GALNT17: variants seen among roughly 807,000 people sequenced by gnomAD.
GALNT17 encodes the protein UDP-GalNAc:polypeptide N-acetylgalactosaminyltransferase-like 3.
Under a neutral mutation model 63.7 loss-of-function variants are expected in GALNT17, and 29 were observed. The observed-to-expected ratio is 0.46, with a 90% confidence interval of 0.34 to 0.62. The LOEUF (loss-of-function observed/expected upper bound fraction) is 0.62, where lower values mean the gene tolerates loss of function less well. GALNT17 is among the 20% of genes least tolerant of loss of function. The pLI, the probability that GALNT17 is intolerant of heterozygous loss-of-function variation, is 0.01. For missense variants in GALNT17, 603 were observed against 799.6 expected (o/e 0.75, Z 2.97); for synonymous variants, 305 against 318.3 (o/e 0.96, Z 0.45).
At chr7:71,563,353 C>T (rs1444664999) in intron 5 of GALNT17, among the ~76,000 whole-genome samples, 2 of 152,146 alleles carry the variant, frequency 1.3e-5, no homozygotes, top group Non-Finnish European at 2.9e-5. Context: ...GAAGCAGCAG[C>T]CGTGCTTTGC....
chr7:71,590,253 G>A (rs1003346277), intron 6 of GALNT17, among the ~76,000 whole-genome samples: 1 of 152,066 alleles, frequency 6.6e-6, no homozygotes, highest in Non-Finnish European at 1.5e-5. Context: ...GATTTGCTCT[G>A]CTGAAATGTA....
intron 1 of GALNT17, among the ~76,000 whole-genome samples, chr7:71,199,564 A>ATCCATCCG (rs1789124368): frequency 7.6e-6 from 1 of 132,028 alleles, no homozygotes; most frequent in African/African-American, 3.0e-5. Flanking sequence ...CCATCCATCC[A>ATCCATCCG]TCCTGCCTAC....
intron 1 of GALNT17, among the ~76,000 whole-genome samples, chr7:71,156,428 C>CA (rs1291049035): frequency 1.3e-5 from 2 of 151,842 alleles, no homozygotes; most frequent in South Asian, 2.1e-4. Flanking sequence ...TTTTTCTTTT[C>CA]AAAAGCTGAA....
intron 5 of GALNT17, among the ~76,000 whole-genome samples, chr7:71,546,778 G>A (rs996654040): frequency 6.6e-6 from 1 of 152,118 alleles, no homozygotes; most frequent in African/African-American, 2.4e-5. Flanking sequence ...AATGGTAGCT[G>A]TTCTTGGTCT....
chr7:71,649,675 AG>A (rs771184495), intron 6 of GALNT17, among the ~76,000 whole-genome samples: 18 of 152,218 alleles, frequency 1.2e-4, no homozygotes, highest in Admixed American at 2.0e-4. Context: ...TTGGGTTAAA[AG>A]GTCCAGTGTT....
rs1267702260 is a variant in GALNT17 at position 71,276,569 on chromosome 7, G to C, written c.239-58981G>C. On this transcript the variant is annotated intron_variant, in intron 1 of 10. Transcript: ENST00000333538. ...ATGAGATCTGATGGTTTTACAAAGG[G>C]GAGTTTCCCTGCACATGTCCTCTTG... 4.6e-5 allele frequency among the ~76,000 whole-genome samples: 7 copies of C among 152,146 alleles called. No individual in the cohort carries two copies. The East Asian group carries it at 1.3e-3, about 29-fold the overall frequency.
chr7:71,689,911 C>A (rs1791415599), intron 9 of GALNT17, among the ~76,000 whole-genome samples: 1 of 152,168 alleles, frequency 6.6e-6, no homozygotes, highest in African/African-American at 2.4e-5. Flanking sequence ...TTTTGAAGAT[C>A]CTAGGGCCCT....
rs540663097 is a variant in GALNT17 at position 71,145,804 on chromosome 7, C to G, written c.238+12764C>G. ...CACTATAACCTTCACCTCCTGGGTT[C>G]AAATGATTCTCCTGCCTCAGCCTGC... On this transcript the variant is annotated intron_variant, in intron 1 of 10. Transcript: ENST00000333538. Among the ~76,000 whole-genome samples the G allele has an allele frequency of 1.6e-3, 245 of 152,270 alleles. 1 individual carries two copies. Among genetic ancestry groups the G allele is most frequent in the Middle Eastern group, 0.01 (3 of 294 alleles).
At chr7:71,201,663 G>A (rs533330432) in intron 1 of GALNT17, among the ~76,000 whole-genome samples, 6 of 146,368 alleles carry the variant, frequency 4.1e-5, no homozygotes, top group African/African-American at 1.3e-4. Flanking sequence ...ATGGAGTCTC[G>A]CTCTGTCACC....
intron 9 of GALNT17, among the ~76,000 whole-genome samples, chr7:71,695,259 C>T (rs189388135): frequency 4.6e-5 from 7 of 152,184 alleles, no homozygotes; most frequent in Non-Finnish European, 8.8e-5. Context: ...CCAATCTATC[C>T]GCTCCTAGAA....
At chr7:71,436,029 A>G (rs8180823) in intron 5 of GALNT17, among the ~76,000 whole-genome samples, 1 of 14,956 alleles carries the variant, frequency 6.7e-5, no homozygotes, top group Admixed American at 1.4e-3. Flanking sequence ...CAAAAAAAAG[A>G]AAAAAAAAAA....
At position 71,338,710 on chromosome 7, in the gene GALNT17, T is replaced by A. The variant is rs1045424970; in HGVS notation, c.422+2977T>A. Among the ~76,000 whole-genome samples, 25 of 152,174 alleles carry A rather than the reference T, an allele frequency of 1.6e-4. 1 individual carries two copies. Among genetic ancestry groups the A allele is most frequent in the Non-Finnish European group, 2.9e-5 (2 of 68,020 alleles). The stretch of plus-strand genomic sequence containing the variant: ...TCCGCTTCTCAAACAGATTCTCCAT[T>A]TTCTATTAGATTTGTAGTGTCTCTC... On this transcript the variant is annotated intron_variant, in intron 2 of 10. Transcript: ENST00000333538.
chr7:71,221,383 CTTTTTTTTTTT>C (rs33954579), intron 1 of GALNT17, among the ~76,000 whole-genome samples: 6 of 110,900 alleles, frequency 5.4e-5, no homozygotes, highest in African/African-American at 1.8e-4. Flanking sequence ...TACAGCCATG[CTTTTTTTTTTT>C]TTTTTTTTTT....
chr7:71,482,592 A>G (rs575318000), intron 5 of GALNT17, among the ~76,000 whole-genome samples: 28 of 152,240 alleles, frequency 1.8e-4, no homozygotes, highest in African/African-American at 6.3e-4. Context: ...TAGAACAAGA[A>G]CCTGTAGAGC....
chr7:71,184,936 CTCA>C (rs1788808354), intron 1 of GALNT17, among the ~76,000 whole-genome samples: 1 of 101,870 alleles, frequency 9.8e-6, no homozygotes, highest in Non-Finnish European at 1.9e-5. Flanking sequence ...CCCTCCCTTC[CTCA>C]CTTCCTTCCT....
At chr7:71,162,584 C>CCA (rs1193060273) in intron 1 of GALNT17, among the ~76,000 whole-genome samples, 1 of 137,876 alleles carries the variant, frequency 7.3e-6, no homozygotes, top group Non-Finnish European at 1.7e-5. Flanking sequence ...ATATAGGGCT[C>CCA]CATGTGACTG....
intron 5 of GALNT17, among the ~76,000 whole-genome samples, chr7:71,458,832 G>A (rs929628003): frequency 2.6e-5 from 4 of 152,064 alleles, no homozygotes; most frequent in Non-Finnish European, 5.9e-5. Context: ...CCTGTTCAGC[G>A]GGTCTTCTGT....
At chr7:71,450,335 A>G (rs566130132) in intron 5 of GALNT17, among the ~76,000 whole-genome samples, 3 of 152,038 alleles carry the variant, frequency 2.0e-5, no homozygotes, top group East Asian at 2.0e-4. Context: ...GGGTTTCGCC[A>G]TGTTGGCCAG....
intron 2 of GALNT17, among the ~76,000 whole-genome samples, chr7:71,351,552 C>A (rs886934389): frequency 6.6e-6 from 1 of 151,830 alleles, no homozygotes; most frequent in African/African-American, 2.4e-5. Context: ...GAGACTAAGA[C>A]AGAGACAGAA....
Sources: allele counts gnomAD v4.1 joint callset (sites outside exome capture counted in the v4.1 genomes callset), GRCh38; gene constraint gnomAD v4.1.1; transcripts MANE v1.5; gene names NCBI Gene and HGNC (gene_info 2026-07-23, HGNC 2026-07-21).